VPS8: variants seen among roughly 807,000 people sequenced by gnomAD.
VPS8 encodes VPS8 subunit of CORVET complex.
In VPS8, 129 loss-of-function variants were observed where a neutral mutation model predicts 216.4. The ratio of observed to expected loss-of-function variants is 0.60; its 90% CI spans 0.52 to 0.69. The LOEUF (loss-of-function observed/expected upper bound fraction) is 0.69, where lower values mean the gene tolerates loss of function less well. VPS8 is among the 30% of genes least tolerant of loss of function. The pLI, the probability that VPS8 is intolerant of heterozygous loss-of-function variation, is 0.00. For missense variants in VPS8, 1,531 were observed against 1,683.5 expected (o/e 0.91, Z 1.59); for synonymous variants, 571 against 565.4 (o/e 1.01, Z -0.14).
intron 14 of VPS8, among the ~76,000 whole-genome samples, chr3:184,858,916 T>G (rs192845972): frequency 6.6e-6 from 1 of 152,126 alleles, no homozygotes; most frequent in Admixed American, 6.5e-5. Flanking sequence ...TTATCTCCTG[T>G]TACAGTTTTT....
intron 34 of VPS8, among the ~76,000 whole-genome samples, chr3:184,931,261 T>C (rs1156513300): frequency 6.6e-6 from 1 of 152,162 alleles, no homozygotes; most frequent in East Asian, 1.9e-4. Context: ...TATTTTTATG[T>C]TTTATGTTAT....
intron 3 of VPS8, among the ~76,000 whole-genome samples, chr3:184,830,454 TCACACACACA>T (rs3040915): frequency 1.4e-5 from 2 of 147,682 alleles, no homozygotes; most frequent in Admixed American, 6.8e-5. Flanking sequence ...GTTTATCAGT[TCACACACACA>T]CACACACACA....
chr3:184,894,469 G>A (rs543870351), intron 22 of VPS8, among the ~76,000 whole-genome samples: 18 of 145,822 alleles, frequency 1.2e-4, no homozygotes, highest in African/African-American at 4.2e-4. Flanking sequence ...AGTGTTGGGA[G>A]GATTAATTGA....
intron 30 of VPS8, among the ~76,000 whole-genome samples, chr3:184,926,270 G>A (rs1001537640): frequency 2.6e-5 from 4 of 151,756 alleles, no homozygotes; most frequent in African/African-American, 7.2e-5. Flanking sequence ...CCAGCTACTC[G>A]GGAGGCTGAG....
intron 3 of VPS8, among the ~76,000 whole-genome samples, chr3:184,830,454 TCACACACACACA>T (rs3040915): frequency 2.7e-5 from 4 of 147,682 alleles, no homozygotes; most frequent in East Asian, 2.0e-4. Context: ...GTTTATCAGT[TCACACACACACA>T]CACACACACA....
chr3:184,839,937 A>T lies in VPS8; in HGVS notation c.535+185A>T, dbSNP rs1258192288. The T allele has an allele frequency of 2.5e-5, 33 of 1,341,678 alleles. No homozygotes were observed. The East Asian group carries it at 8.7e-4, about 35-fold the overall frequency. The allele number at this position is 1,341,678 out of a possible 1,614,324, so 83.1% of individuals were successfully genotyped here. Reference sequence around the variant, plus strand: ...GCCTCACAGCTTTGTTTTGCTGCTTATTGCAAGTTTATTTTCTTCTTCATG... The same window carrying T: ...GCCTCACAGCTTTGTTTTGCTGCTTTTTGCAAGTTTATTTTCTTCTTCATG... On this transcript the variant is annotated intron_variant, in intron 7 of 47. Transcript: ENST00000625842.
chr3:185,050,875 T>C (rs1561283303), intron 47 of VPS8, among the ~76,000 whole-genome samples: 1 of 152,138 alleles, frequency 6.6e-6, no homozygotes, highest in Non-Finnish European at 1.5e-5. Context: ...GTGTTGGTAG[T>C]GGACACAGTG....
At chr3:184,873,742 G>A (rs749218358) in intron 21 of VPS8, among the ~76,000 whole-genome samples, 2 of 152,092 alleles carry the variant, frequency 1.3e-5, no homozygotes, top group East Asian at 1.9e-4. Context: ...AACTGAAGCC[G>A]ACCATATGTA....
chr3:184,872,805 C>T (rs7628188), intron 21 of VPS8, among the ~76,000 whole-genome samples: 1 of 151,762 alleles, frequency 6.6e-6, no homozygotes, highest in African/African-American at 2.4e-5. Context: ...TGGGCACAAT[C>T]ACATGGCTAC....
chr3:184,866,113 GTAT>G (rs1200444923), intron 16 of VPS8, among the ~76,000 whole-genome samples: 2 of 152,154 alleles, frequency 1.3e-5, no homozygotes, highest in Admixed American at 6.5e-5. Context: ...ACACATAGCA[GTAT>G]TATTGTTAAT....
chr3:184,938,649 CTT>C lies in VPS8; in HGVS notation c.2989-1536_2989-1535del, dbSNP rs113635324. Among the ~76,000 whole-genome samples the C allele has an allele frequency of 9.2e-5, 13 of 140,700 alleles. No homozygotes were observed. The East Asian group carries it at 2.0e-3, about 22-fold the overall frequency. 92.3% of individuals were successfully genotyped at this position (140,700 alleles called of 152,430 possible). On this transcript the variant is annotated intron_variant, in intron 35 of 47. Coordinates refer to ENST00000625842, the MANE Select transcript of VPS8 (RefSeq NM_001009921.3). ...GGATTTTCTTTTCTTTTCTTTTTTT[CTT>C]TTTTTTTTTTTGTAGTCTCTACGGA...
intron 29 of VPS8, among the ~76,000 whole-genome samples, chr3:184,922,722 AGAG>A (rs1324248409): frequency 2.0e-5 from 3 of 152,048 alleles, no homozygotes; most frequent in Non-Finnish European, 4.4e-5. Context: ...GGATCCGGTG[AGAG>A]GAGGAGTATA....
intron 36 of VPS8, among the ~76,000 whole-genome samples, chr3:184,953,550 AG>A (rs1170710374): frequency 1.3e-5 from 2 of 152,220 alleles, no homozygotes; most frequent in Non-Finnish European, 2.9e-5. Context: ...GACAGAGCTC[AG>A]TCCTCAGGGG....
intron 26 of VPS8, 24 bp downstream of exon 26, chr3:184,913,585 C>T: frequency 2.0e-6 from 3 of 1,531,384 alleles, no homozygotes; most frequent in South Asian, 2.4e-5. Flanking sequence ...ATTTATTCAT[C>T]TGCATGTATG....
intron 13 of VPS8, 27 bp from the exon 14 acceptor site, chr3:184,855,684 A>ATTTTTTTT: frequency 6.9e-7 from 1 of 1,454,254 alleles, no homozygotes; most frequent in Admixed American, 1.8e-5. Flanking sequence ...AACTGTGATG[A>ATTTTTTTT]TTTTTTTTTT....
intron 43 of VPS8, among the ~76,000 whole-genome samples, chr3:184,995,535 A>G (rs1344535741): frequency 1.3e-5 from 2 of 152,220 alleles, no homozygotes; most frequent in Non-Finnish European, 2.9e-5. Flanking sequence ...AAAGTATTGC[A>G]TTACAGGCAA....
chr3:184,921,756 G>T (rs1388942015), intron 29 of VPS8, among the ~76,000 whole-genome samples: 3 of 151,970 alleles, frequency 2.0e-5, no homozygotes. Context: ...TAAAGATGGG[G>T]TTTTCACCAT....
At chr3:184,982,854 T>G (rs763194670) in intron 41 of VPS8, among the ~76,000 whole-genome samples, 158 bp from the exon 42 acceptor site, 12 of 152,218 alleles carry the variant, frequency 7.9e-5, no homozygotes, top group Non-Finnish European at 1.6e-4. Context: ...TTGTAGTCTT[T>G]GTAACTTGTC....
In VPS8 at chr3:185,017,849, G is replaced by A. The variant is rs551932823; in HGVS notation, c.4003-6487G>A. Reference sequence around the variant, plus strand: ...GGGGCCCAGGACGGCCCTTCATGACGTTTCCCGAAATCAGGTTCCCATCTT... The same window carrying A: ...GGGGCCCAGGACGGCCCTTCATGACATTTCCCGAAATCAGGTTCCCATCTT... On this transcript the variant is annotated intron_variant, in intron 45 of 47. Coordinates refer to ENST00000625842, the MANE Select transcript of VPS8 (RefSeq NM_001009921.3). Among the ~76,000 whole-genome samples, 469 of 152,084 alleles carry A rather than the reference G, an allele frequency of 3.1e-3. 13 individuals carry two copies. Among genetic ancestry groups the A allele is most frequent in the African/African-American group, 0.011 (459 of 41,340 alleles).
Sources: allele counts gnomAD v4.1 joint callset (sites outside exome capture counted in the v4.1 genomes callset), GRCh38; gene constraint gnomAD v4.1.1; transcripts MANE v1.5; gene names NCBI Gene and HGNC (gene_info 2026-07-23, HGNC 2026-07-21).